PEG3: variants seen among roughly 807,000 people sequenced by gnomAD.
PEG3 encodes the protein paternally expressed 3.
Under a neutral mutation model 35.5 loss-of-function variants are expected in PEG3, and 23 were observed. That is an observed-to-expected ratio of 0.65 (90% CI 0.47 to 0.92). PEG3 has a LOEUF of 0.92. Among genes scored for constraint, PEG3 ranks in the 40% least tolerant of loss-of-function variants. The pLI, the probability that PEG3 is intolerant of heterozygous loss-of-function variation, is 0.00. For synonymous variants in PEG3, 707 were observed against 697.0 expected (o/e 1.01, Z -0.23); for missense variants, 1,960 against 1,985.3 (o/e 0.99, Z 0.24).
chr19:56,836,215 G>A (rs879925287), intron 1 of PEG3, 111 bp from the exon 2 acceptor site: 1 of 370,786 alleles, frequency 2.7e-6, no homozygotes, highest in Non-Finnish European at 5.4e-6. Flanking sequence ...GATGGCACAG[G>A]TCAAATGAGA....
At chr19:56,817,861 G>T in intron 8 of PEG3, 26 bp from the exon 9 acceptor site, 1 of 1,592,530 alleles carries the variant, frequency 6.3e-7, no homozygotes, top group Non-Finnish European at 8.6e-7. Flanking sequence ...ACAATATGAT[G>T]CCTCAAATTC....
At chr19:56,839,916 C>A (rs1452564605) in intron 1 of PEG3, among the ~76,000 whole-genome samples, 1 of 152,272 alleles carries the variant, frequency 6.6e-6, no homozygotes, top group Non-Finnish European at 1.5e-5. Flanking sequence ...GCAGCTCCTG[C>A]GCAGCAAGCC....
chr19:56,836,712 T>C (rs1388431617), intron 1 of PEG3, among the ~76,000 whole-genome samples: 2 of 152,202 alleles, frequency 1.3e-5, no homozygotes, highest in Non-Finnish European at 2.9e-5. Flanking sequence ...CTCGCGCCTG[T>C]AATCCCAGCA....
chr19:56,816,964 C>G lies in PEG3; in HGVS notation c.1478G>C (p.Ser493Thr), dbSNP rs769798247. ...TCCAACCTGACTTTTCTGAACTTCA[C>G]TGACAGCCACACTGTGGATAAAGGA... ...GESFIHSVAVSEVQKSQVGGK... is the reference protein window; with the variant it reads ...GESFIHSVAVTEVQKSQVGGK... Residue 493 changes from serine to threonine, a missense_variant, in exon 10 of 10, where the codon AGT (serine) becomes ACT (threonine). Physicochemically the swap from Ser to Thr is moderately conservative, Grantham distance 58 (BLOSUM62 1). Around this residue, in one of 5 missense-constraint regions of PEG3, gnomAD observed 798 missense variants for 782.4 expected, o/e 1.02. Coordinates refer to ENST00000326441, the MANE Select transcript of PEG3 (RefSeq NM_006210.3). 2.5e-6 allele frequency: 4 copies of G among 1,614,198 alleles called. No individual in the cohort carries two copies. In the South Asian group the frequency reaches 4.4e-5, roughly 18 times the overall value.
intron 8 of PEG3, among the ~76,000 whole-genome samples, chr19:56,818,289 T>A (rs1568651498): frequency 6.6e-6 from 1 of 152,136 alleles, no homozygotes; most frequent in South Asian, 2.1e-4. Flanking sequence ...GAACTCAGGA[T>A]CCCATCCTGA....
chr19:56,819,155 C>T (rs529066096), intron 7 of PEG3, among the ~76,000 whole-genome samples: 55 of 152,228 alleles, frequency 3.6e-4, no homozygotes, highest in African/African-American at 1.2e-3. Flanking sequence ...AAAACTTAGA[C>T]TAAATATCAA....
At chr19:56,825,981 T>C (rs2060989902) in intron 3 of PEG3, among the ~76,000 whole-genome samples, 1 of 152,134 alleles carries the variant, frequency 6.6e-6, no homozygotes, top group South Asian at 2.1e-4. Context: ...TCCCACGCTC[T>C]CTCCTGCATA....
In PEG3 at chr19:56,817,509, G is replaced by A. The variant is rs35291043; in HGVS notation, c.933C>T (p.His311=). The A allele has an allele frequency of 1.3e-3, 2,052 of 1,609,858 alleles. 26 individuals carry two copies. In the African/African-American group the frequency reaches 0.023, roughly 18 times the overall value. Reference sequence around the variant, plus strand: ...TGATGAATTTTTCCATTATCACTCCGTGGGAAGATTCATCTTCACAAATCC... The same window carrying A: ...TGATGAATTTTTCCATTATCACTCCATGGGAAGATTCATCTTCACAAATCC... ...RRGICEDESS[H]GVIMEKFIKD... is the part of the protein sequence containing the mutation. The change falls in exon 10 of 10, where the codon CAC becomes CAT. Residue 311 remains histidine, a synonymous_variant. Coordinates refer to ENST00000326441, the MANE Select transcript of PEG3 (RefSeq NM_006210.3).
chr19:56,823,964 G>C (rs1185850237), intron 4 of PEG3, among the ~76,000 whole-genome samples: 1 of 152,150 alleles, frequency 6.6e-6, no homozygotes, highest in Admixed American at 6.5e-5. Flanking sequence ...AGGAGCCATA[G>C]GAGGTTTTCT....
intron 7 of PEG3, 29 bp from the exon 8 acceptor site, chr19:56,818,731 G>C (rs1441983183): frequency 6.2e-7 from 1 of 1,610,112 alleles, no homozygotes; most frequent in South Asian, 1.1e-5. Context: ...ACCTCTCAAT[G>C]GAGTCTGTCC....
chr19:56,812,844 A>T lies in PEG3; in HGVS notation c.*831T>A, dbSNP rs2059631018. The T allele has an allele frequency of 3.0e-6, 3 of 985,552 alleles. No individual in the cohort carries two copies. Among genetic ancestry groups the T allele is most frequent in the Non-Finnish European group, 3.6e-6 (3 of 829,748 alleles). The allele number at this position is 985,552 out of a possible 1,614,324, so 61.1% of individuals were successfully genotyped here. On this transcript the variant is annotated 3_prime_UTR_variant, in exon 10 of 10. Coordinates refer to ENST00000326441, the MANE Select transcript of PEG3 (RefSeq NM_006210.3). ...AAAAAAAAAAAAAACCCAGAACACA[A>T]ATGTGTAATATTTTTGCATGAGAAC...
rs751539114 is a variant in PEG3, at chr19:56,817,483, T to C, written c.959A>G (p.Lys320Arg). The change falls in exon 10 of 10, where the codon AAG (lysine) becomes AGG (arginine). Residue 320 changes from lysine (K) to arginine (R), a missense_variant. Coordinates refer to ENST00000326441, the MANE Select transcript of PEG3 (RefSeq NM_006210.3). ...CGATTTGGAACTGCGTGACACATCC[T>C]TGATGAATTTTTCCATTATCACTCC... ...SHGVIMEKFI[K>R]DVSRSSKSGR... is the part of the protein sequence containing the mutation. The C allele has an allele frequency of 6.2e-7, 1 of 1,612,432 alleles. No homozygotes were observed. The highest frequency in any genetic ancestry group is 1.7e-5 in the Admixed American group (1 of 59,904).
Position 56,814,872 on chromosome 19 carries a change from C to T in PEG3, c.3570G>A (p.Leu1190=), listed in dbSNP as rs752554891. 1 of 1,614,194 alleles carries T rather than the reference C, an allele frequency of 6.2e-7. No individual in the cohort carries two copies. The highest frequency in any genetic ancestry group is 1.7e-5 in the Admixed American group (1 of 60,030). The change falls in exon 10 of 10, where the codon TTG becomes TTA. Residue 1190 remains leucine, a synonymous_variant. Transcript: ENST00000326441. This position sits in a 1 kb window ranked among gnomAD's most constrained non-coding sequence, Gnocchi z 5.8. ...CATCATCACACCCCTTCATGGAATA[C>T]AACTGGTCTTGTTCATGGATTCTCT... ...EHQRIHEQDQ[L]YSMKGCDDGF... is the part of the protein sequence containing the mutation.
At position 56,835,896 on chromosome 19, in the gene PEG3, G is replaced by A. The variant is rs1020079744; in HGVS notation, c.-163+122C>T. The A allele has an allele frequency of 6.8e-5, 27 of 398,282 alleles. No homozygotes were observed. In the East Asian group the frequency reaches 1.9e-3, roughly 29 times the overall value. 24.7% of individuals were successfully genotyped at this position (398,282 alleles called of 1,614,324 possible). ...CAGAAGAGTCTGGGTGTTCTCAGAG[G>A]GCACAAATGGTGCTGGGGTGGCTAT... is the stretch of plus-strand genomic sequence containing the variant. On this transcript the variant is annotated intron_variant, in intron 2 of 9. Transcript: ENST00000326441.
At chr19:56,819,271 A>G (rs537370401) in intron 7 of PEG3, among the ~76,000 whole-genome samples, 1 of 152,350 alleles carries the variant, frequency 6.6e-6, no homozygotes, top group South Asian at 2.1e-4. Flanking sequence ...ATGGCATAGC[A>G]TGGCTACATT....
chr19:56,838,354 G>T (rs1443560002), intron 1 of PEG3, among the ~76,000 whole-genome samples: 1 of 152,148 alleles, frequency 6.6e-6, no homozygotes, highest in Admixed American at 6.5e-5. Context: ...AATCAACCTC[G>T]GGCGCCACCC....
In PEG3 at chr19:56,817,294, G is replaced by A. The variant is rs777335656; in HGVS notation, c.1148C>T (p.Ser383Phe). ...GGFRFNSTLVSRKRVLERKRR... is the reference protein window; with the variant it reads ...GGFRFNSTLVFRKRVLERKRR... ...CTTTCTTTCAAGAACTCTCTTTCTG[G>A]AAACAAGGGTTGAATTAAACCTAAA... Residue 383 changes from serine to phenylalanine, a missense_variant, in exon 10 of 10, where the codon TCC becomes TTC. Ser to Phe is a radical substitution (Grantham distance 155, BLOSUM62 -2). Transcript: ENST00000326441. The A allele has an allele frequency of 6.2e-7, 1 of 1,613,980 alleles. No homozygotes were observed. Among genetic ancestry groups the A allele is most frequent in the Non-Finnish European group, 8.5e-7 (1 of 1,180,018 alleles).
intron 1 of PEG3, among the ~76,000 whole-genome samples, chr19:56,837,865 G>C (rs569285346): frequency 6.6e-6 from 1 of 152,312 alleles, no homozygotes; most frequent in Admixed American, 6.5e-5. Flanking sequence ...TAGGATGGAC[G>C]GGGCTCACGC....
intron 7 of PEG3, among the ~76,000 whole-genome samples, chr19:56,819,263 G>A (rs780444301): frequency 2.6e-5 from 4 of 152,198 alleles, no homozygotes; most frequent in Non-Finnish European, 5.9e-5. Context: ...GTTTCTCCAT[G>A]GCATAGCATG....
Sources: allele counts gnomAD v4.1 joint callset (sites outside exome capture counted in the v4.1 genomes callset), GRCh38; gene constraint gnomAD v4.1.1; regional missense constraint gnomAD v4.1.1; non-coding constraint Gnocchi (gnomAD v3.1); transcripts MANE v1.5; gene names NCBI Gene and HGNC (gene_info 2026-07-23, HGNC 2026-07-21).